Variants in KIF5C observed in about 807,000 individuals in gnomAD.
KIF5C encodes the protein kinesin family member 5C.
KIF5C carries 18 observed loss-of-function variants against 125.2 expected under a neutral mutation model. The observed-to-expected ratio is 0.14, with a 90% CI of 0.10 to 0.21. The LOEUF (loss-of-function observed/expected upper bound fraction) is 0.21. KIF5C is among the 10% of genes least tolerant of loss of function. The pLI is 1.00. For missense variants in KIF5C, 780 were observed against 1,183.8 expected (o/e 0.66, Z 5.01); for synonymous variants, 405 against 434.0 (o/e 0.93, Z 0.83).
chr2:148,959,525 T>A (rs1326177986), intron 10 of KIF5C, among the ~76,000 whole-genome samples: 1 of 152,208 alleles, frequency 6.6e-6, no homozygotes, highest in African/African-American at 2.4e-5. Flanking sequence ...TTTTTTCATA[T>A]TCTACCTTTA....
chr2:148,958,327 C>T (rs930391447), intron 10 of KIF5C, among the ~76,000 whole-genome samples: 2 of 152,152 alleles, frequency 1.3e-5, no homozygotes, highest in Non-Finnish European at 2.9e-5. Flanking sequence ...ATAGTCATTG[C>T]TCATTCTCAG....
At chr2:148,957,960 A>G (rs1169906868) in intron 10 of KIF5C, among the ~76,000 whole-genome samples, 2 of 150,978 alleles carry the variant, frequency 1.3e-5, no homozygotes, top group East Asian at 3.9e-4. Flanking sequence ...GAAATCACCC[A>G]GTACTGTTTT....
intron 1 of KIF5C, among the ~76,000 whole-genome samples, chr2:148,908,077 T>G (rs1262602710): frequency 6.6e-6 from 1 of 152,232 alleles, no homozygotes; most frequent in African/African-American, 2.4e-5. Flanking sequence ...TGTTTCAGCA[T>G]TGCCCACAAA....
At position 149,025,602 on chromosome 2, in the gene KIF5C, T is replaced by G. The variant is rs1682665667; in HGVS notation, c.*2532T>G. 1 of 152,246 alleles carries G rather than the reference T, an allele frequency of 6.6e-6. No homozygotes were observed. Among genetic ancestry groups the G allele is most frequent in the South Asian group, 2.1e-4 (1 of 4,834 alleles). 9.4% of individuals were successfully genotyped at this position (152,246 alleles called of 1,614,324 possible). A position where few individuals can be genotyped will look rare whatever the true frequency, so the allele number is the denominator to read the frequency against. ...TATGCAGCTTTTGACTAGCATGTAT[T>G]GTGTCTTTTTCTCCTCTATGAATAA... On this transcript the variant is annotated 3_prime_UTR_variant, in exon 26 of 26. Coordinates refer to ENST00000435030, the MANE Select transcript of KIF5C (RefSeq NM_004522.3).
At chr2:148,975,617 C>T (rs921143217) in intron 12 of KIF5C, among the ~76,000 whole-genome samples, 7 of 152,226 alleles carry the variant, frequency 4.6e-5, no homozygotes, top group Non-Finnish European at 1.0e-4. Flanking sequence ...AGAAAGACCA[C>T]ACGGTTTCCT....
At chr2:148,886,878 T>C (rs1336318158) in intron 1 of KIF5C, among the ~76,000 whole-genome samples, 1 of 152,216 alleles carries the variant, frequency 6.6e-6, no homozygotes, top group East Asian at 1.9e-4. Flanking sequence ...TTTTAAAATT[T>C]TCTTAATAAA....
chr2:148,881,748 A>G (rs1326610581), intron 1 of KIF5C, among the ~76,000 whole-genome samples: 1 of 150,440 alleles, frequency 6.6e-6, no homozygotes, highest in Non-Finnish European at 1.5e-5. Context: ...TAGAGGGTGA[A>G]CTCACTGGAA....
chr2:148,918,736 C>T (rs957359184), intron 1 of KIF5C, among the ~76,000 whole-genome samples: 3 of 152,136 alleles, frequency 2.0e-5, no homozygotes, highest in Admixed American at 6.5e-5. Context: ...AGGGTCTAAT[C>T]TAAGAATAAT....
intron 1 of KIF5C, among the ~76,000 whole-genome samples, chr2:148,907,961 G>A (rs867748595): frequency 6.6e-6 from 1 of 152,206 alleles, no homozygotes; most frequent in Non-Finnish European, 1.5e-5. Flanking sequence ...CAGACTGGGA[G>A]CCCCTGCTGT....
intron 1 of KIF5C, among the ~76,000 whole-genome samples, chr2:148,912,971 G>A (rs1405735079): frequency 3.3e-5 from 5 of 152,210 alleles, no homozygotes; most frequent in African/African-American, 1.2e-4. Context: ...TATAGTGCTA[G>A]TGCACTATGT....
chr2:148,960,471 G>GT (rs1682899677), intron 10 of KIF5C, among the ~76,000 whole-genome samples: 1 of 152,196 alleles, frequency 6.6e-6, no homozygotes, highest in Non-Finnish European at 1.5e-5. Context: ...AGAGGTGAGA[G>GT]TGTCAAACAG....
chr2:148,961,303 G>A (rs73009515), intron 10 of KIF5C, among the ~76,000 whole-genome samples: 16 of 152,284 alleles, frequency 1.1e-4, no homozygotes, highest in Middle Eastern at 6.8e-3. Flanking sequence ...TGATGGGGGG[G>A]GCGGGTGTGT....
chr2:148,955,115 G>A (rs749602063), intron 10 of KIF5C, among the ~76,000 whole-genome samples: 2 of 152,118 alleles, frequency 1.3e-5, no homozygotes, highest in Non-Finnish European at 2.9e-5. Context: ...TCCCTCACAA[G>A]CAGGGAAATG....
rs7597612 is a variant in KIF5C, at chr2:148,909,357, G to C, written c.127-12780G>C. On this transcript the variant is annotated intron_variant, in intron 1 of 25. Coordinates refer to ENST00000435030, the MANE Select transcript of KIF5C (RefSeq NM_004522.3). ...GGCTTCTGCTCTGAGGTCACATCCT[G>C]GGAGCCATCCTCCTTGACCCGCATA... 6.2e-3 allele frequency among the ~76,000 whole-genome samples: 945 copies of C among 152,288 alleles called. 8 individuals are homozygous for C. Among genetic ancestry groups the C allele is most frequent in the African/African-American group, 0.022 (902 of 41,558 alleles).
intron 2 of KIF5C, among the ~76,000 whole-genome samples, chr2:148,925,666 A>ATTTTC (rs1368157226): frequency 1.3e-5 from 2 of 152,150 alleles, no homozygotes; most frequent in Admixed American, 1.3e-4. Flanking sequence ...CCTGGTGGGC[A>ATTTTC]CACAGCTAGC....
chr2:148,893,947 A>T (rs974395363), intron 1 of KIF5C, among the ~76,000 whole-genome samples: 2 of 152,216 alleles, frequency 1.3e-5, no homozygotes, highest in Non-Finnish European at 2.9e-5. Flanking sequence ...CAATTCATTT[A>T]TCTTACCTTC....
intron 5 of KIF5C, 72 bp downstream of exon 5, chr2:148,941,730 C>A: frequency 6.6e-7 from 1 of 1,524,768 alleles, no homozygotes; most frequent in East Asian, 2.5e-5. Flanking sequence ...TGGTTTATCA[C>A]ACTTCTGCTT....
intron 25 of KIF5C, among the ~76,000 whole-genome samples, chr2:149,019,505 C>A (rs765868851): frequency 6.6e-6 from 1 of 152,064 alleles, no homozygotes; most frequent in Non-Finnish European, 1.5e-5. Flanking sequence ...GTGGAGCACC[C>A]GGAGGCAAGA....
intron 25 of KIF5C, among the ~76,000 whole-genome samples, chr2:149,021,105 C>T (rs866555486): frequency 6.6e-6 from 1 of 152,184 alleles, no homozygotes. Flanking sequence ...CTCTGTCACC[C>T]AGGCTGGAGT....
Sources: allele counts gnomAD v4.1 joint callset (sites outside exome capture counted in the v4.1 genomes callset), GRCh38; gene constraint gnomAD v4.1.1; transcripts MANE v1.5; gene names NCBI Gene and HGNC (gene_info 2026-07-23, HGNC 2026-07-21).